The following TLE5 variants were observed in gnomAD, a reference collection of about 807,000 sequenced individuals.
TLE5 encodes the protein TLE family member 5, transcriptional modulator.
Under a neutral mutation model 25.8 loss-of-function variants are expected in TLE5, and 7 were observed. The observed-to-expected ratio is 0.27, with a 90% CI of 0.15 to 0.51. The LOEUF (loss-of-function observed/expected upper bound fraction) is 0.51. Ranked by LOEUF, TLE5 falls within the 20% of genes least tolerant of loss-of-function variation. The pLI is 0.97. For missense variants in TLE5, 149 were observed against 250.7 expected (o/e 0.59, Z 2.74); for synonymous variants, 132 against 110.5 (o/e 1.20, Z -1.22).
chr19:3,062,710 GC>G (rs2090282999), upstream of TLE5: 13 of 1,515,966 alleles, frequency 8.6e-6, no homozygotes, highest in Non-Finnish European at 1.1e-5. Context: ...CCGGCAGCCG[GC>G]CGGGCCTCGG....
intron 2 of TLE5, among the ~76,000 whole-genome samples, chr19:3,058,595 AAC>A (rs2090239725): frequency 6.6e-6 from 1 of 152,118 alleles, no homozygotes; most frequent in Admixed American, 6.5e-5. Flanking sequence ...GCTGGGACAA[AAC>A]ACACCATTTC....
chr19:3,054,094 C>CCCCCCCCCCCCCCCCCCCCCCCCA, intron 6 of TLE5, 26 bp downstream of exon 6: 1 of 822,958 alleles, frequency 1.2e-6, no homozygotes, highest in Non-Finnish European at 1.9e-6. Flanking sequence ...TGTCCCCCGC[C>CCCCCCCCCCCCCCCCCCCCCCCCA]CACCCGCCCA....
At chr19:3,055,995 G>A (rs2090213807) in intron 4 of TLE5, 2 of 516,578 alleles carry the variant, frequency 3.9e-6, no homozygotes, top group Non-Finnish European at 6.8e-6. Flanking sequence ...TCGGGGGTCG[G>A]CCACTCAGGC....
chr19:3,054,086 T>TCGGGGGGCCCCCCCCC, intron 6 of TLE5, 34 bp downstream of exon 6: 2 of 1,512,812 alleles, frequency 1.3e-6, no homozygotes, highest in African/African-American at 1.4e-5. Flanking sequence ...GGCCCACCTG[T>TCGGGGGGCCCCCCCCC]CCCCCGCCCA....
intron 2 of TLE5, 131 bp downstream of exon 2, chr19:3,061,029 G>A (rs2145266250): frequency 1.5e-6 from 1 of 656,522 alleles, no homozygotes; most frequent in East Asian, 2.7e-5. Context: ...TTCAGTATTT[G>A]TCAAGTGATT....
In TLE5 at chr19:3,052,938, C is replaced by T. The variant is rs1294590462; in HGVS notation, c.*881G>A. Reference sequence around the variant, plus strand: ...GCTTCTCACATCTTTATTGGAAAGGCACAGCTAAGCCCACCCTTGATACAG... The same window carrying T: ...GCTTCTCACATCTTTATTGGAAAGGTACAGCTAAGCCCACCCTTGATACAG... On this transcript the variant is annotated 3_prime_UTR_variant, in exon 7 of 7. Transcript: ENST00000327141. 1 of 152,208 alleles carries T rather than the reference C, an allele frequency of 6.6e-6. No homozygotes were observed. The highest frequency in any genetic ancestry group is 1.5e-5 in the Non-Finnish European group (1 of 68,088). The allele number at this position is 152,208 out of a possible 1,614,324, so 9.4% of individuals were successfully genotyped here.
intron 2 of TLE5, among the ~76,000 whole-genome samples, chr19:3,060,330 T>TG (rs1568266132): frequency 1.1e-5 from 1 of 88,440 alleles, no homozygotes; most frequent in Non-Finnish European, 2.6e-5. Context: ...TTTTCTTTCT[T>TG]TTTTTTTTTT....
chr19:3,058,238 G>A (rs2090236907), intron 2 of TLE5, among the ~76,000 whole-genome samples: 1 of 152,044 alleles, frequency 6.6e-6, no homozygotes, highest in Admixed American at 6.5e-5. Flanking sequence ...GTTAGAGGGG[G>A]CACGGTAACG....
chr19:3,057,633 C>T, intron 3 of TLE5, 46 bp downstream of exon 3: 1 of 1,590,696 alleles, frequency 6.3e-7, no homozygotes, highest in Non-Finnish European at 8.6e-7. Context: ...GTGGAGGGCC[C>T]TGTCGCCCGC....
chr19:3,062,099 G>GT (rs2090276305), intron 1 of TLE5, 75 bp downstream of exon 1: 16 of 817,730 alleles, frequency 2.0e-5, no homozygotes, highest in Non-Finnish European at 2.5e-5. Context: ...GGGGGGCGCG[G>GT]GGCCGGGAGC....
chr19:3,054,267 G>T, intron 5 of TLE5, 73 bp from the exon 6 acceptor site: 1 of 1,443,742 alleles, frequency 6.9e-7, no homozygotes, highest in Non-Finnish European at 9.6e-7. Flanking sequence ...GGACGGCCCT[G>T]AGGCCAGGAG....
chr19:3,057,402 T>C (rs577111795), intron 3 of TLE5: 2 of 467,556 alleles, frequency 4.3e-6, no homozygotes, highest in East Asian at 7.9e-5. Context: ...TGAGCCTCCC[T>C]CTCCTCCCTC....
In TLE5 at chr19:3,062,256, T is replaced by G. The variant is rs1373815966; in HGVS notation, c.-56A>C. The G allele has an allele frequency of 5.7e-6, 6 of 1,059,746 alleles. No homozygotes were observed. In the East Asian group the frequency reaches 3.2e-4, roughly 56 times the overall value. The allele number at this position is 1,059,746 out of a possible 1,614,324, so 65.6% of individuals were successfully genotyped here. On this transcript the variant is annotated 5_prime_UTR_variant, in exon 1 of 7. Coordinates refer to ENST00000327141, the MANE Select transcript of TLE5 (RefSeq NM_001130.6). The stretch of plus-strand genomic sequence containing the variant: ...CCCGGCTGTGCGCCCCGGCTCGGGC[T>G]GCTGGGGGCGCCGGGCGGCCGCGCC...
At chr19:3,060,819 T>G (rs2090260087) in intron 2 of TLE5, 1 of 170,288 alleles carries the variant, frequency 5.9e-6, no homozygotes, top group Non-Finnish European at 1.3e-5. Flanking sequence ...AGAATGTTTC[T>G]GTTTTGGGGG....
At chr19:3,057,513 G>A in intron 3 of TLE5, 166 bp downstream of exon 3, 1 of 666,462 alleles carries the variant, frequency 1.5e-6, no homozygotes, top group Non-Finnish European at 2.5e-6. Context: ...GGCTAGCGAG[G>A]CAGGCTCAGC....
At chr19:3,062,891 T>TTACC, upstream of TLE5, 1 of 1,298,736 alleles carries the variant, frequency 7.7e-7, no homozygotes, top group Non-Finnish European at 1.1e-6. Context: ...GCAGCGGTAA[T>TTACC]GCCGCCTTCC....
intron 2 of TLE5, among the ~76,000 whole-genome samples, chr19:3,060,212 T>C (rs2090252821): frequency 6.6e-6 from 1 of 151,866 alleles, no homozygotes; most frequent in Non-Finnish European, 1.5e-5. Flanking sequence ...ACCTATATCC[T>C]TAAACCAGGA....
chr19:3,062,800 G>C, upstream of TLE5: 1 of 1,550,260 alleles, frequency 6.5e-7, no homozygotes, highest in Non-Finnish European at 8.7e-7. Context: ...ACCTGGACGC[G>C]TGCCACGGAC....
chr19:3,060,932 C>T (rs1371568357), intron 2 of TLE5: 1 of 348,684 alleles, frequency 2.9e-6, no homozygotes, highest in African/African-American at 2.1e-5. Context: ...TCTGAAGCCA[C>T]ACAGCTGAAT....
Sources: allele counts gnomAD v4.1 joint callset (sites outside exome capture counted in the v4.1 genomes callset), GRCh38; gene constraint gnomAD v4.1.1; transcripts MANE v1.5; gene names NCBI Gene and HGNC (gene_info 2026-07-23, HGNC 2026-07-21).